The following ADH4 variants were observed in gnomAD, a reference collection of about 807,000 sequenced individuals.
The protein encoded by ADH4 is alcohol dehydrogenase 4 (class II), pi polypeptide.
In ADH4, 31 loss-of-function variants were observed where a neutral mutation model predicts 35.2. The ratio of observed to expected loss-of-function variants is 0.88; its 90% CI spans 0.66 to 1.19. The LOEUF (loss-of-function observed/expected upper bound fraction) is 1.19, where lower values mean the gene tolerates loss of function less well. Among genes scored for constraint, ADH4 ranks in the 50% most tolerant of loss-of-function variants. The pLI, the probability that ADH4 is intolerant of heterozygous loss-of-function variation, is 0.00. For missense variants in ADH4, 476 were observed against 458.3 expected (o/e 1.04, Z -0.35); for synonymous variants, 171 against 160.2 (o/e 1.07, Z -0.51).
At chr4:99,130,472 G>A (rs954571300) in intron 6 of ADH4, among the ~76,000 whole-genome samples, 1 of 152,106 alleles carries the variant, frequency 6.6e-6, no homozygotes, top group Non-Finnish European at 1.5e-5. Flanking sequence ...GAGGGTTAGA[G>A]GTCATTGGAA....
chr4:99,131,467 A>C (rs767499522), intron 6 of ADH4, 37 bp downstream of exon 6: 1 of 1,594,502 alleles, frequency 6.3e-7, no homozygotes, highest in Non-Finnish European at 8.5e-7. Flanking sequence ...GCCAAAGAAT[A>C]CATTGAAAAT....
chr4:99,127,801 C>A (rs1183283222), intron 6 of ADH4, among the ~76,000 whole-genome samples: 1 of 149,968 alleles, frequency 6.7e-6, no homozygotes, highest in Non-Finnish European at 1.5e-5. Context: ...CACTGCACTG[C>A]AGCCTGGGTC....
intron 6 of ADH4, among the ~76,000 whole-genome samples, chr4:99,128,049 A>G (rs960226190): frequency 6.6e-6 from 1 of 151,936 alleles, no homozygotes; most frequent in Non-Finnish European, 1.5e-5. Context: ...TGTTAGGTCA[A>G]TAACAGCAAC....
chr4:99,141,642 A>C lies in ADH4; in HGVS notation c.161T>G (p.Ile54Ser). The change falls in exon 3 of 9, where the codon ATC becomes AGC. Residue 54 changes from isoleucine (I) to serine (S), a missense_variant. Physicochemically the swap from Ile to Ser is moderately radical, Grantham distance 142. Coordinates refer to ENST00000265512, the MANE Select transcript of ADH4 (RefSeq NM_000670.5). Reference sequence around the variant, plus strand: ...AGCTAGGCCCTCAAATTTAGAATCGATAACAGTGGCATCAGTATGGCACAG... The same window carrying C: ...AGCTAGGCCCTCAAATTTAGAATCGCTAACAGTGGCATCAGTATGGCACAG... ...TSLCHTDATVIDSKFEGLAFP... is the reference protein window; with the variant it reads ...TSLCHTDATVSDSKFEGLAFP... 6.2e-7 allele frequency: 1 copy of C among 1,614,128 alleles called. No homozygotes were observed. The highest frequency in any genetic ancestry group is 8.5e-7 in the Non-Finnish European group (1 of 1,179,996).
In ADH4 at chr4:99,141,689, G is replaced by A. The variant is rs779732857; in HGVS notation, c.121-7C>T. The A allele has an allele frequency of 4.3e-6, 7 of 1,612,356 alleles. No homozygotes were observed. The South Asian group carries it at 7.7e-5, about 18-fold the overall frequency. On this transcript the variant is annotated splice_region_variant and splice_polypyrimidine_tract_variant and intron_variant, in intron 2 of 8. Coordinates refer to ENST00000265512, the MANE Select transcript of ADH4 (RefSeq NM_000670.5). ...ACAGAGAGGTAGCAATGATCTACAA[G>A]GCAATCACAGACTTTAATTGTGTTT...
intron 1 of ADH4, chr4:99,143,444 CAG>C: frequency 2.6e-6 from 1 of 387,060 alleles, no homozygotes; most frequent in Non-Finnish European, 4.7e-6. Flanking sequence ...GATGAATGAA[CAG>C]AAATTAAATA....
Position 99,127,219 on chromosome 4 carries a change from T to A in ADH4, c.969A>T (p.Thr323=). Residue 323 remains threonine, a synonymous_variant, in exon 7 of 9, where the codon ACA becomes ACT. Coordinates refer to ENST00000265512, the MANE Select transcript of ADH4 (RefSeq NM_000670.5). The stretch of plus-strand genomic sequence containing the variant: ...AAAAAAAAAACTGACCACCAAAGAA[T>A]GTTCCATTTATAGTACGGCCGATTA... ...ELIIGRTING[T]FFGGWKSVDS... 1 of 1,599,564 alleles carries A rather than the reference T, an allele frequency of 6.3e-7. No homozygotes were observed.
intron 7 of ADH4, 100 bp downstream of exon 7, chr4:99,127,109 T>A: frequency 1.0e-6 from 1 of 984,754 alleles, no homozygotes; most frequent in Non-Finnish European, 1.5e-6. Flanking sequence ...GATTCAATGG[T>A]TGAATAAATT....
In ADH4 at chr4:99,142,757, G is replaced by A. The variant is rs143067434; in HGVS notation, c.42C>T (p.Ile14=). 2 of 1,602,484 alleles carry A rather than the reference G, an allele frequency of 1.2e-6. No individual in the cohort carries two copies. Among genetic ancestry groups the A allele is most frequent in the South Asian group, 1.1e-5 (1 of 89,114 alleles). The change falls in exon 2 of 9, where the codon ATC becomes ATT. Residue 14 remains isoleucine (I), a synonymous_variant. Coordinates refer to ENST00000265512, the MANE Select transcript of ADH4 (RefSeq NM_000670.5). Reference sequence around the variant, plus strand: ...AAAGGGGCTTGCCTGCTTCCCAGGCGATGGCTGCTTTGCATTTAATAACCT... The same window carrying A: ...AAAGGGGCTTGCCTGCTTCCCAGGCAATGGCTGCTTTGCATTTAATAACCT... ...KGKVIKCKAA[I]AWEAGKPLCI...
In ADH4 at chr4:99,139,050, A is replaced by G. The variant is rs1400366617; in HGVS notation, c.350+11T>C. The stretch of plus-strand genomic sequence containing the variant: ...AAATTTATACTAATACTAACAGTGT[A>G]GAGTGCTTACCTGATTTTCCCACAC... On this transcript the variant is annotated intron_variant, in intron 4 of 8. Transcript: ENST00000265512. The G allele has an allele frequency of 3.1e-6, 5 of 1,596,066 alleles. No homozygotes were observed. Among genetic ancestry groups the G allele is most frequent in the Non-Finnish European group, 4.3e-6 (5 of 1,164,680 alleles).
At position 99,131,739 on chromosome 4, in the gene ADH4, A is replaced by T; in HGVS notation, c.608T>A (p.Val203Asp). ...AAGACCCACACCTCCTAGGCCAAAGACAGCACAAGTCGAACCAGGGGTGAC... is the reference window on the plus strand; with the variant it reads ...AAGACCCACACCTCCTAGGCCAAAGTCAGCACAAGTCGAACCAGGGGTGAC... ...AKVTPGSTCA[V>D]FGLGGVGLSA... Residue 203 changes from valine (V) to aspartate (D), a missense_variant, in exon 6 of 9, where the codon GTC becomes GAC. Coordinates refer to ENST00000265512, the MANE Select transcript of ADH4 (RefSeq NM_000670.5). 4 of 1,614,126 alleles carry T rather than the reference A, an allele frequency of 2.5e-6. No individual in the cohort carries two copies. The highest frequency in any genetic ancestry group is 3.4e-6 in the Non-Finnish European group (4 of 1,179,986).
In ADH4 at chr4:99,131,787, G is replaced by T. The variant is rs763760160; in HGVS notation, c.583-23C>A. 17 of 1,604,848 alleles carry T rather than the reference G, an allele frequency of 1.1e-5. No homozygotes were observed. The South Asian group carries it at 1.8e-4, about 17-fold the overall frequency. On this transcript the variant is annotated intron_variant, in intron 5 of 8. Coordinates refer to ENST00000265512, the MANE Select transcript of ADH4 (RefSeq NM_000670.5). ...GACCTGCAAGCAGGAAAATTATAAA[G>T]TAACTTCTAAAGCAGCCAGTCCCAC...
rs1179345762 is a variant in ADH4, at chr4:99,131,727, C to T, written c.620G>A (p.Gly207Glu). 7 of 1,614,144 alleles carry T rather than the reference C, an allele frequency of 4.3e-6. No homozygotes were observed. The highest frequency in any genetic ancestry group is 1.6e-4 in the Middle Eastern group (1 of 6,062). The stretch of plus-strand genomic sequence containing the variant: ...CATTACAGCAGAAAGACCCACACCT[C>T]CTAGGCCAAAGACAGCACAAGTCGA... ...PGSTCAVFGL[G>E]GVGLSAVMGC... The change falls in exon 6 of 9, where the codon GGA (glycine) becomes GAA (glutamate). Residue 207 changes from glycine (G) to glutamate (E), a missense_variant. Transcript: ENST00000265512.
chr4:99,141,965 T>C (rs997697005), intron 2 of ADH4, among the ~76,000 whole-genome samples: 2 of 152,176 alleles, frequency 1.3e-5, no homozygotes, highest in African/African-American at 4.8e-5. Context: ...TCAAAGGTAA[T>C]AGGGCTTATT....
Position 99,131,584 on chromosome 4 carries a change from G to A in ADH4, c.763C>T (p.Pro255Ser). The change falls in exon 6 of 9, where the codon CCG becomes TCG. Residue 255 changes from proline (P) to serine (S), a missense_variant. Transcript: ENST00000265512. Reference protein sequence around the residue: ...DCLNPRDLHKPIQEVIIELTK... With the variant: ...DCLNPRDLHKSIQEVIIELTK... ...AATTCAATGATAACTTCCTGGATCGGTTTATGTAAGTCTCTAGGATTGAGG... is the reference window on the plus strand; with the variant it reads ...AATTCAATGATAACTTCCTGGATCGATTTATGTAAGTCTCTAGGATTGAGG... The A allele has an allele frequency of 6.2e-7, 1 of 1,614,086 alleles. No homozygotes were observed. Among genetic ancestry groups the A allele is most frequent in the African/African-American group, 1.3e-5 (1 of 75,016 alleles).
Position 99,139,098 on chromosome 4 carries a change from A to T in ADH4, c.313T>A (p.Cys105Ser), listed in dbSNP as rs1729531937. The change falls in exon 4 of 9, where the codon TGT becomes AGT. Residue 105 changes from cysteine to serine, a missense_variant. By Grantham distance (112) the Cys-to-Ser change is moderately radical. Transcript: ENST00000265512. ...CACAAATTTGTGAGTGGACTCAGAC[A>T]AAACTTGCATTTTCTACATAGAGGT... ...YAPLCRKCKF[C>S]LSPLTNLCGK... 6.2e-7 allele frequency: 1 copy of T among 1,613,430 alleles called. No homozygotes were observed. The highest frequency in any genetic ancestry group is 1.7e-5 in the Admixed American group (1 of 59,946).
At chr4:99,140,447 G>A (rs1729574026) in intron 3 of ADH4, among the ~76,000 whole-genome samples, 1 of 152,060 alleles carries the variant, frequency 6.6e-6, no homozygotes, top group East Asian at 1.9e-4. Context: ...GATGGCTCAT[G>A]CCTGTAATCC....
intron 5 of ADH4, among the ~76,000 whole-genome samples, chr4:99,134,963 G>A (rs1729391526): frequency 6.6e-6 from 1 of 151,966 alleles, no homozygotes; most frequent in Non-Finnish European, 1.5e-5. Context: ...GATGTTTTAT[G>A]CACCTGGTTT....
At chr4:99,138,289 A>AT (rs1729507897) in intron 4 of ADH4, among the ~76,000 whole-genome samples, 1 of 152,182 alleles carries the variant, frequency 6.6e-6, no homozygotes, top group Admixed American at 6.5e-5. Flanking sequence ...AGCAGGCATT[A>AT]TTTTGCTCCT....
Sources: allele counts gnomAD v4.1 joint callset (sites outside exome capture counted in the v4.1 genomes callset), GRCh38; gene constraint gnomAD v4.1.1; transcripts MANE v1.5; gene names NCBI Gene and HGNC (gene_info 2026-07-23, HGNC 2026-07-21).